Variants in CLCN7 observed in about 807,000 individuals in gnomAD.
The protein encoded by CLCN7 is H(+)/Cl(-) exchange transporter 7.
A neutral mutation model predicts 102.1 loss-of-function variants in CLCN7; 60 were observed. That is an observed-to-expected ratio of 0.59 (90% CI 0.48 to 0.73). CLCN7 has a LOEUF of 0.73. Ranked by LOEUF, CLCN7 falls within the 30% of genes least tolerant of loss-of-function variation. The pLI, the probability that CLCN7 is intolerant of heterozygous loss-of-function variation, is 0.00. For missense variants in CLCN7, 962 were observed against 1,125.7 expected (o/e 0.85, Z 2.08); for synonymous variants, 560 against 490.5 (o/e 1.14, Z -1.87).
intron 6 of CLCN7, 125 bp downstream of exon 6, chr16:1,460,293 A>G (rs1356620204): frequency 4.0e-6 from 3 of 747,104 alleles, no homozygotes; most frequent in Non-Finnish European, 2.3e-6. Context: ...ACGTGATTCT[A>G]AAAGTGCCCG....
At chr16:1,453,745 G>A (rs571305409) in intron 14 of CLCN7, 89 bp downstream of exon 14, 1 of 1,213,518 alleles carries the variant, frequency 8.2e-7, no homozygotes, top group Non-Finnish European at 1.2e-6. Flanking sequence ...TGTGGCCTAG[G>A]AGTGTAAACC....
rs2038791732 is a variant in CLCN7 at position 1,453,828 on chromosome 16, C to T, written c.1214+6G>A. 7 of 1,613,088 alleles carry T rather than the reference C, an allele frequency of 4.3e-6. No individual in the cohort carries two copies. Among genetic ancestry groups the T allele is most frequent in the Non-Finnish European group, 5.9e-6 (7 of 1,179,878 alleles). ...CAACGCGATATGCAATGCGGTTTCT[C>T]CTCACCTGATTCGAAACATGGTCAG... On this transcript the variant is annotated splice_donor_region_variant and intron_variant, in intron 14 of 24. Coordinates refer to ENST00000382745, the MANE Select transcript of CLCN7 (RefSeq NM_001287.6).
rs751347106 is a variant in CLCN7, at chr16:1,461,664, G to A, written c.224C>T (p.Pro75Leu). 1.5e-5 allele frequency: 24 copies of A among 1,613,748 alleles called. No homozygotes were observed. The South Asian group carries it at 2.3e-4, about 16-fold the overall frequency. Residue 75 changes from proline to leucine, a missense_variant, in exon 3 of 25, where the codon CCT becomes CTT. Physicochemically the swap from Pro to Leu is moderately conservative, Grantham distance 98. Coordinates refer to ENST00000382745, the MANE Select transcript of CLCN7 (RefSeq NM_001287.6). ...GATCTCCTTGGGGAAGGGATGTGGA[G>A]GGTCCATATCCTGTGGCAGAAAAAG... ...DDELLDPDMD[P>L]PHPFPKEIPH...
chr16:1,452,049 G>C (rs944580940), intron 15 of CLCN7: 10 of 367,482 alleles, frequency 2.7e-5, no homozygotes, highest in South Asian at 2.2e-4. Context: ...GCGCTCACAT[G>C]AGCTCCTAGA....
rs2038626391 is a variant in CLCN7 at position 1,445,619 on chromosome 16, G to A, written c.*1012C>T. ...AGCCTCCCAGGGGCCCTCAGGTGGT[G>A]AGGTGGGGGCTTCCCGGCCCCGGTG... On this transcript the variant is annotated 3_prime_UTR_variant, in exon 25 of 25. Coordinates refer to ENST00000382745, the MANE Select transcript of CLCN7 (RefSeq NM_001287.6). 6.6e-6 allele frequency: 1 copy of A among 152,492 alleles called. No individual in the cohort carries two copies. Among genetic ancestry groups the A allele is most frequent in the African/African-American group, 2.4e-5 (1 of 41,462 alleles). 9.4% of individuals were successfully genotyped at this position (152,492 alleles called of 1,614,324 possible). A position where few individuals can be genotyped will look rare whatever the true frequency, so the allele number is the denominator to read the frequency against.
At chr16:1,456,795 T>G (rs1478675969) in intron 9 of CLCN7, among the ~76,000 whole-genome samples, 1 of 150,690 alleles carries the variant, frequency 6.6e-6, no homozygotes, top group East Asian at 2.0e-4. Flanking sequence ...GAGCTGAGAT[T>G]GTACCACTGC....
In CLCN7 at chr16:1,445,864, T is replaced by C. The variant is rs576256047; in HGVS notation, c.*767A>G. ...TGAGGCTCAGGGACCAAGGCAGGGC[T>C]GGGTGTGGGGCCCAGACTCCAAGCT... On this transcript the variant is annotated 3_prime_UTR_variant, in exon 25 of 25. Transcript: ENST00000382745. The C allele has an allele frequency of 1.5e-4, 29 of 194,790 alleles. No homozygotes were observed. In the South Asian group the frequency reaches 3.2e-3, roughly 21 times the overall value. The allele number at this position is 194,790 out of a possible 1,614,324, so 12.1% of individuals were successfully genotyped here. A position where few individuals can be genotyped will look rare whatever the true frequency, so the allele number is the denominator to read the frequency against.
In CLCN7 at chr16:1,448,758, G is replaced by C. The variant is rs112753643; in HGVS notation, c.1806C>G (p.Tyr602Ter). Residue 602 changes from tyrosine to a stop codon, truncating the protein, a stop_gained, in exon 20 of 25, where the codon TAC becomes TAG. Coordinates refer to ENST00000382745, the MANE Select transcript of CLCN7 (RefSeq NM_001287.6). LOFTEE classifies it high-confidence loss of function. ...IVGDVFIEGL[Y>*]DMHIQLQSVP... Reference sequence around the variant, plus strand: ...CACTCTGCAGCTGAATGTGCATGTCGTACAGGCCCTGCGGGCGGGGCGGGA... The same window carrying C: ...CACTCTGCAGCTGAATGTGCATGTCCTACAGGCCCTGCGGGCGGGGCGGGA... 8 of 1,612,090 alleles carry C rather than the reference G, an allele frequency of 5.0e-6. No homozygotes were observed. Among genetic ancestry groups the C allele is most frequent in the Non-Finnish European group, 6.8e-6 (8 of 1,179,936 alleles).
At chr16:1,455,635 C>A in intron 11 of CLCN7, 96 bp downstream of exon 11, 1 of 1,322,992 alleles carries the variant, frequency 7.6e-7, no homozygotes, top group Non-Finnish European at 1.1e-6. Context: ...CAGCTCCAGC[C>A]GCAGCTCGAT....
chr16:1,445,968 G>T lies in CLCN7; in HGVS notation c.*663C>A. On this transcript the variant is annotated 3_prime_UTR_variant, in exon 25 of 25. Coordinates refer to ENST00000382745, the MANE Select transcript of CLCN7 (RefSeq NM_001287.6). The stretch of plus-strand genomic sequence containing the variant: ...GTTTTTCTCAGCTCTCAACATCACA[G>T]CACAGGGCCCGTGAGTCACCCCAGT... 2 of 404,662 alleles carry T rather than the reference G, an allele frequency of 4.9e-6. No homozygotes were observed. Among genetic ancestry groups the T allele is most frequent in the South Asian group, 7.1e-5 (2 of 28,184 alleles). The allele number at this position is 404,662 out of a possible 1,614,324, so 25.1% of individuals were successfully genotyped here. A position where few individuals can be genotyped will look rare whatever the true frequency, so the allele number is the denominator to read the frequency against.
chr16:1,455,087 C>T, intron 12 of CLCN7, 47 bp downstream of exon 12: 1 of 1,127,106 alleles, frequency 8.9e-7, no homozygotes, highest in Non-Finnish European at 1.4e-6. Flanking sequence ...AAACAGGGTC[C>T]TGGACCAGGA....
Position 1,451,630 on chromosome 16 carries a change from G to A in CLCN7, c.1440C>T (p.Asp480=). ...GGCACTGCCCACACACACCTGGCGGGTCGTGGAAGAGGCTCACCACGCTCT... is the reference window on the plus strand; with the variant it reads ...GGCACTGCCCACACACACCTGGCGGATCGTGGAAGAGGCTCACCACGCTCT... ...PEKSVVSLFH[D]PPGSYNPLTL... Residue 480 remains aspartate, a synonymous_variant, in exon 16 of 25, where the codon GAC becomes GAT. Coordinates refer to ENST00000382745, the MANE Select transcript of CLCN7 (RefSeq NM_001287.6). 1 of 1,611,720 alleles carries A rather than the reference G, an allele frequency of 6.2e-7. No homozygotes were observed. The highest frequency in any genetic ancestry group is 8.5e-7 in the Non-Finnish European group (1 of 1,179,852).
In CLCN7 at chr16:1,457,315, C is replaced by A. The variant is rs1251757740; in HGVS notation, c.761G>T (p.Gly254Val). ...VGKEGPMIHS[G>V]SVIAAGISQG... ...AGAGATCCCGGCGGCAATCACTGAA[C>A]CTGAGTGGATCATCGGCCCTTCCTG... The change falls in exon 9 of 25, where the codon GGT becomes GTT. Residue 254 changes from glycine (G) to valine (V), a missense_variant. Physicochemically the swap from Gly to Val is moderately radical, Grantham distance 109 (BLOSUM62 -3). This residue lies in a region of CLCN7 where 799 missense variants were observed against 988.0 expected (regional missense o/e 0.81). Coordinates refer to ENST00000382745, the MANE Select transcript of CLCN7 (RefSeq NM_001287.6). This position sits in a 1 kb window ranked among gnomAD's most constrained non-coding sequence, Gnocchi z 5.4. 3 of 1,613,982 alleles carry A rather than the reference C, an allele frequency of 1.9e-6. No individual in the cohort carries two copies. Among genetic ancestry groups the A allele is most frequent in the Middle Eastern group, 1.6e-4 (1 of 6,062 alleles).
chr16:1,473,118 T>TACACACACAGGCATACACAC (rs1438294214), intron 1 of CLCN7, among the ~76,000 whole-genome samples: 2 of 151,486 alleles, frequency 1.3e-5, no homozygotes, highest in Middle Eastern at 6.3e-3. Flanking sequence ...GGCATACACA[T>TACACACACAGGCATACACAC]ACACACACAG....
At chr16:1,470,144 C>T (rs568093270) in intron 1 of CLCN7, among the ~76,000 whole-genome samples, 5 of 152,322 alleles carry the variant, frequency 3.3e-5, no homozygotes, top group Admixed American at 1.3e-4. Flanking sequence ...ACTGCACTCA[C>T]GGATGATTAA....
At chr16:1,452,116 CAG>C (rs2038761485) in intron 15 of CLCN7, 13 of 318,300 alleles carry the variant, frequency 4.1e-5, no homozygotes, top group South Asian at 3.3e-4. Flanking sequence ...TCCAGCAGCA[CAG>C]GGGGTGTTAT....
Position 1,448,995 on chromosome 16 carries a change from C to T in CLCN7, c.1768G>A (p.Ala590Thr), listed in dbSNP as rs377190713. 3.1e-6 allele frequency: 5 copies of T among 1,612,654 alleles called. No individual in the cohort carries two copies. Among genetic ancestry groups the T allele is most frequent in the African/African-American group, 1.3e-5 (1 of 74,912 alleles). Residue 590 changes from alanine to threonine, a missense_variant, in exon 19 of 25, where the codon GCC becomes ACC. Coordinates refer to ENST00000382745, the MANE Select transcript of CLCN7 (RefSeq NM_001287.6). ...ATGAAGACGTCGCCCACGATCTTGG[C>T]GGTCATGAGCACCAGCATGATGGGG... is the stretch of plus-strand genomic sequence containing the variant. ...GFPIMLVLMT[A>T]KIVGDVFIEG...
rs2038609025 is a variant in CLCN7 at position 1,444,958 on chromosome 16, T to TG, written c.*1672_*1673insC. ...TGTGAATCCTAACCGCTGATTTTAT[T>TG]TAACCGAATATATCCAAAATATGAT... On this transcript the variant is annotated 3_prime_UTR_variant, in exon 25 of 25. Coordinates refer to ENST00000382745, the MANE Select transcript of CLCN7 (RefSeq NM_001287.6). The TG allele has an allele frequency of 6.5e-6, 1 of 152,786 alleles. No individual in the cohort carries two copies. Among genetic ancestry groups the TG allele is most frequent in the Admixed American group, 6.5e-5 (1 of 15,382 alleles). 9.5% of individuals were successfully genotyped at this position (152,786 alleles called of 1,614,324 possible).
intron 4 of CLCN7, 51 bp downstream of exon 4, chr16:1,461,354 G>A (rs574088002): frequency 6.6e-5 from 98 of 1,491,044 alleles, no homozygotes; most frequent in African/African-American, 9.7e-5. Context: ...AGGCCCGGCC[G>A]GCACCAGGCC....
Sources: allele counts gnomAD v4.1 joint callset (sites outside exome capture counted in the v4.1 genomes callset), GRCh38; gene constraint gnomAD v4.1.1; regional missense constraint gnomAD v4.1.1; non-coding constraint Gnocchi (gnomAD v3.1); transcripts MANE v1.5; gene names NCBI Gene and HGNC (gene_info 2026-07-23, HGNC 2026-07-21).